Variants in HTN1 observed in about 807,000 individuals in gnomAD.
HTN1 encodes the protein histatin 1.
In HTN1, 18 loss-of-function variants were observed where a neutral mutation model predicts 11.2. That is an observed-to-expected ratio of 1.61 (90% CI 1.12 to 2.39). HTN1 has a LOEUF of 2.39. HTN1 is among the 30% of genes most tolerant of loss of function. The pLI, the probability that HTN1 is intolerant of heterozygous loss-of-function variation, is 0.00. For synonymous variants in HTN1, 21 were observed against 20.5 expected (o/e 1.02, Z -0.07); for missense variants, 80 against 67.2 (o/e 1.19, Z -0.67).
chr4:70,054,753 T>C (rs1725990364), intron 4 of HTN1, among the ~76,000 whole-genome samples: 1 of 152,198 alleles, frequency 6.6e-6, no homozygotes, highest in Middle Eastern at 3.4e-3. Context: ...CTAATTCTAT[T>C]AAGTATAACA....
chr4:70,055,654 T>A, intron 5 of HTN1, 52 bp downstream of exon 5: 1 of 797,182 alleles, frequency 1.3e-6, no homozygotes, highest in Non-Finnish European at 2.0e-6. Flanking sequence ...ACTGACAGTT[T>A]AAAAAAAAAG....
intron 5 of HTN1, chr4:70,056,951 G>A (rs1164663520): frequency 6.6e-6 from 1 of 152,196 alleles, no homozygotes; most frequent in African/African-American, 2.4e-5. Context: ...ATGTAAATTA[G>A]TTCAACCATT....
intron 1 of HTN1, among the ~76,000 whole-genome samples, chr4:70,051,392 T>C (rs1195771872): frequency 6.6e-6 from 1 of 152,012 alleles, no homozygotes; most frequent in African/African-American, 2.4e-5. Flanking sequence ...AAAGAAAGAG[T>C]TTACTGTTCC....
At chr4:70,058,225 T>G (rs1448543080) in intron 5 of HTN1, 3 of 152,136 alleles carry the variant, frequency 2.0e-5, no homozygotes, top group African/African-American at 7.2e-5. Context: ...ATCCTCCAGG[T>G]GTTAGATAAT....
intron 4 of HTN1, among the ~76,000 whole-genome samples, chr4:70,055,013 A>G (rs1330779981): frequency 6.6e-6 from 1 of 152,072 alleles, no homozygotes; most frequent in African/African-American, 2.4e-5. Context: ...AAAAGCACCA[A>G]GTAAAAAGAT....
At chr4:70,055,229 GT>G (rs1197808043) in intron 4 of HTN1, among the ~76,000 whole-genome samples, 1 of 151,946 alleles carries the variant, frequency 6.6e-6, no homozygotes, top group African/African-American at 2.4e-5. Context: ...TTGAACCCTG[GT>G]TAGAGAGGTT....
At position 70,053,126 on chromosome 4, in the gene HTN1, T is replaced by C. The variant is rs778659799; in HGVS notation, c.50T>C (p.Ile17Thr). 3 of 1,597,698 alleles carry C rather than the reference T, an allele frequency of 1.9e-6. No individual in the cohort carries two copies. Among genetic ancestry groups the C allele is most frequent in the Admixed American group, 1.7e-5 (1 of 59,808 alleles). Reference protein sequence around the residue: ...ALVLALMISMISADSHEKRHH... With the variant: ...ALVLALMISMTSADSHEKRHH... ...GTCTTGGCTCTCATGATTTCCATGA[T>C]TGTAAGTATATCTGGAAATTTTAAA... is the stretch of plus-strand genomic sequence containing the variant. The change falls in exon 2 of 6, where the codon ATT becomes ACT. Residue 17 changes from isoleucine (I) to threonine (T), a missense_variant and splice_region_variant. Ile to Thr is a moderately conservative substitution (Grantham distance 89). Transcript: ENST00000246896.
intron 5 of HTN1, chr4:70,057,199 T>C (rs1222109204): frequency 6.6e-6 from 1 of 152,186 alleles, no homozygotes; most frequent in Non-Finnish European, 1.5e-5. Context: ...TGGAGTACTA[T>C]GCAGCCATAC....
At chr4:70,053,225 A>C in intron 2 of HTN1, 98 bp downstream of exon 2, 1 of 734,000 alleles carries the variant, frequency 1.4e-6, no homozygotes, top group South Asian at 1.7e-5. Flanking sequence ...TGTTGACCTC[A>C]ATACAGCTTT....
At chr4:70,054,784 G>T (rs191886482) in intron 4 of HTN1, among the ~76,000 whole-genome samples, 1 of 152,096 alleles carries the variant, frequency 6.6e-6, no homozygotes, top group East Asian at 1.9e-4. Context: ...AAAGCATAGA[G>T]GCTACTCATG....
intron 1 of HTN1, 104 bp downstream of exon 1, chr4:70,050,599 C>A (rs1725867968): frequency 6.6e-6 from 1 of 151,978 alleles, no homozygotes; most frequent in African/African-American, 2.4e-5. Flanking sequence ...CTATTTAAAT[C>A]TAGTTTACTT....
intron 1 of HTN1, among the ~76,000 whole-genome samples, chr4:70,052,090 T>G (rs1441543664): frequency 6.6e-6 from 1 of 152,174 alleles, no homozygotes; most frequent in Non-Finnish European, 1.5e-5. Flanking sequence ...GAGTCCCAGA[T>G]GAGGCTAACT....
Position 70,054,335 on chromosome 4 carries a change from A to T in HTN1, c.65A>T (p.His22Leu), listed in dbSNP as rs544517931. ...LMISMISADS[H>L]EKRHHGYRRK... The stretch of plus-strand genomic sequence containing the variant: ...TTTTTTTCCAAGAGCGCTGATTCAC[A>T]TGAAAAGGTAAGACATTTTCATTTA... The change falls in exon 3 of 6, where the codon CAT becomes CTT. Residue 22 changes from histidine (H) to leucine (L), a missense_variant. His to Leu is a moderately conservative substitution (Grantham distance 99). Transcript: ENST00000246896. 6.6e-7 allele frequency: 1 copy of T among 1,521,918 alleles called. No homozygotes were observed. 94.3% of individuals were successfully genotyped at this position (1,521,918 alleles called of 1,614,324 possible).
intron 1 of HTN1, chr4:70,052,745 G>A (rs1725924573): frequency 4.9e-6 from 1 of 202,486 alleles, no homozygotes; most frequent in Non-Finnish European, 1.0e-5. Context: ...GAGCCCAGGA[G>A]TTTCAGAACT....
intron 1 of HTN1, among the ~76,000 whole-genome samples, chr4:70,051,646 CA>C (rs529102549): frequency 1.3e-4 from 20 of 152,056 alleles, no homozygotes; most frequent in Admixed American, 1.2e-3. Flanking sequence ...AGAAAAACTT[CA>C]AAATACATAA....
At chr4:70,057,306 G>T (rs1438437429) in intron 5 of HTN1, 1 of 152,068 alleles carries the variant, frequency 6.6e-6, no homozygotes, top group Non-Finnish European at 1.5e-5. Flanking sequence ...AACAGCACAA[G>T]GTCTCACTCA....
chr4:70,054,548 T>C, intron 4 of HTN1, 98 bp downstream of exon 4: 1 of 787,488 alleles, frequency 1.3e-6, no homozygotes, highest in South Asian at 1.7e-5. Context: ...AATATATCTA[T>C]ATCATTAATT....
chr4:70,054,295 T>C (rs1725976034), intron 2 of HTN1, 27 bp from the exon 3 acceptor site: 2 of 1,326,608 alleles, frequency 1.5e-6, no homozygotes, highest in Admixed American at 2.2e-5. Context: ...AAATATTAAT[T>C]ATTTTCTCAT....
At chr4:70,052,947 A>G in intron 1 of HTN1, 117 bp from the exon 2 acceptor site, 1 of 696,876 alleles carries the variant, frequency 1.4e-6, no homozygotes, top group Admixed American at 2.2e-5. Flanking sequence ...CCTGCACTCC[A>G]GCCTGGAAAA....
Sources: allele counts gnomAD v4.1 joint callset (sites outside exome capture counted in the v4.1 genomes callset), GRCh38; gene constraint gnomAD v4.1.1; transcripts MANE v1.5; gene names NCBI Gene and HGNC (gene_info 2026-07-23, HGNC 2026-07-21).